The following CCDC66 variants were observed in gnomAD, a reference collection of about 807,000 sequenced individuals.
CCDC66 encodes coiled-coil domain-containing protein 66.
In CCDC66, 133 loss-of-function variants were observed where a neutral mutation model predicts 128.3. The ratio of observed to expected loss-of-function variants is 1.04; its 90% CI spans 0.90 to 1.20. The LOEUF (loss-of-function observed/expected upper bound fraction) is 1.20. CCDC66 is among the 50% of genes most tolerant of loss of function. The pLI, the probability that CCDC66 is intolerant of heterozygous loss-of-function variation, is 0.00. For synonymous variants in CCDC66, 387 were observed against 357.0 expected, an observed-to-expected ratio of 1.08 and a Z score of -0.95; for missense variants, 1,126 against 1,075.5, an observed-to-expected ratio of 1.05 and a Z score of -0.66.
intron 7 of CCDC66, among the ~76,000 whole-genome samples, chr3:56,583,321 T>G (rs2068759893): frequency 6.6e-6 from 1 of 151,990 alleles, no homozygotes. Context: ...TTTGTTTTAT[T>G]GATCATTCTT....
intron 14 of CCDC66, 35 bp downstream of exon 14, chr3:56,617,640 T>C (rs1008325577): frequency 7.1e-6 from 11 of 1,555,056 alleles, no homozygotes; most frequent in Non-Finnish European, 8.6e-6. Flanking sequence ...TGTGTTGACG[T>C]TTCTGGATTC....
chr3:56,583,974 C>T (rs1196660904), intron 7 of CCDC66, among the ~76,000 whole-genome samples: 2 of 128,760 alleles, frequency 1.6e-5, no homozygotes, highest in African/African-American at 3.0e-5. Context: ...GCGGGGGCTG[C>T]CCCCCACCTC....
intron 15 of CCDC66, 66 bp downstream of exon 15, chr3:56,618,278 C>CAAGATCTGG (rs2075784363): frequency 7.4e-7 from 1 of 1,352,918 alleles, no homozygotes; most frequent in African/African-American, 1.4e-5. Context: ...AAAAGGGATT[C>CAAGATCTGG]AAGATCTGGA....
At chr3:56,564,259 C>A in intron 4 of CCDC66, 134 bp downstream of exon 4, 1 of 644,738 alleles carries the variant, frequency 1.6e-6, no homozygotes, top group Non-Finnish European at 2.5e-6. Context: ...AATAATTGTT[C>A]TTTTAGAGGA....
At chr3:56,615,337 T>C in intron 12 of CCDC66, 65 bp downstream of exon 12, 1 of 1,482,278 alleles carries the variant, frequency 6.7e-7, no homozygotes, top group Non-Finnish European at 9.1e-7. Flanking sequence ...AATTCCTTTT[T>C]ATCTTTGTTT....
intron 7 of CCDC66, among the ~76,000 whole-genome samples, chr3:56,578,399 T>C (rs373664407): frequency 1.3e-5 from 2 of 151,846 alleles, no homozygotes; most frequent in African/African-American, 2.4e-5. Context: ...ATACCCTTTA[T>C]TTCTTCCTCA....
At chr3:56,611,990 G>A (rs2074895322) in intron 10 of CCDC66, among the ~76,000 whole-genome samples, 1 of 152,194 alleles carries the variant, frequency 6.6e-6, no homozygotes, top group East Asian at 1.9e-4. Context: ...TCTAAGGATT[G>A]CTGGTCTGTT....
At chr3:56,572,330 C>T (rs1253842910) in intron 7 of CCDC66, 1 of 1,285,106 alleles carries the variant, frequency 7.8e-7, no homozygotes, top group East Asian at 5.6e-5. Flanking sequence ...TTTTACACTT[C>T]TGCTAGCTCT....
rs1175800245 is a variant in CCDC66, at chr3:56,593,553, A to C, written c.1131A>C (p.Gln377His). 2 of 1,614,124 alleles carry C rather than the reference A, an allele frequency of 1.2e-6. No homozygotes were observed. Among genetic ancestry groups the C allele is most frequent in the Admixed American group, 3.3e-5 (2 of 60,020 alleles). Residue 377 changes from glutamine to histidine, a missense_variant, in exon 9 of 18, where the codon CAA becomes CAC. Transcript: ENST00000394672. ...CATTAAAGAGTTATCCTGGTTCTCA[A>C]TCTCAGCTGTTCTCTCAGTCAACAC... ...FDSLKSYPGS[Q>H]SQLFSQSTHK...
chr3:56,582,538 A>G (rs2068581750), intron 7 of CCDC66, among the ~76,000 whole-genome samples: 1 of 151,538 alleles, frequency 6.6e-6, no homozygotes, highest in Non-Finnish European at 1.5e-5. Flanking sequence ...CCTCCTCCGG[A>G]ATTTTTTTAA....
chr3:56,586,360 C>G (rs1457797528), intron 7 of CCDC66, among the ~76,000 whole-genome samples: 3 of 151,114 alleles, frequency 2.0e-5, no homozygotes, highest in East Asian at 4.0e-4. Context: ...AACCCCATCT[C>G]TACTTAAAAA....
intron 4 of CCDC66, among the ~76,000 whole-genome samples, chr3:56,565,726 G>T (rs2065745521): frequency 6.6e-6 from 1 of 151,754 alleles, no homozygotes; most frequent in Admixed American, 6.6e-5. Context: ...GAGTGCAGTG[G>T]TGCGATCTCG....
intron 10 of CCDC66, among the ~76,000 whole-genome samples, chr3:56,612,702 A>G (rs1394991619): frequency 6.6e-6 from 1 of 152,120 alleles, no homozygotes; most frequent in Non-Finnish European, 1.5e-5. Flanking sequence ...GTGGCATATG[A>G]GGGTGGGTGC....
chr3:56,615,841 T>C, intron 12 of CCDC66, 81 bp from the exon 13 acceptor site: 1 of 1,223,468 alleles, frequency 8.2e-7, no homozygotes. Flanking sequence ...AAGTGAAAAT[T>C]ATTGTATTTA....
At position 56,615,917 on chromosome 3, in the gene CCDC66, G is replaced by C. The variant is rs748669936; in HGVS notation, c.1712-5G>C. The C allele has an allele frequency of 3.2e-6, 5 of 1,585,922 alleles. No homozygotes were observed. The East Asian group carries it at 9.3e-5, about 30-fold the overall frequency. On this transcript the variant is annotated splice_polypyrimidine_tract_variant and splice_region_variant and intron_variant, in intron 12 of 17. Coordinates refer to ENST00000394672, the MANE Select transcript of CCDC66 (RefSeq NM_001141947.3). ...TTGTTTTATCAGGTGATTTCTCTTT[G>C]CCAGTTGATACAATACAAATGGAAT...
intron 7 of CCDC66, among the ~76,000 whole-genome samples, chr3:56,580,751 G>A (rs2068218964): frequency 6.6e-6 from 1 of 151,828 alleles, no homozygotes; most frequent in Non-Finnish European, 1.5e-5. Flanking sequence ...ACTGTCTTCT[G>A]GCTTGTAGAG....
At chr3:56,563,457 T>G in intron 3 of CCDC66, 1 of 465,322 alleles carries the variant, frequency 2.1e-6, no homozygotes, top group Non-Finnish European at 3.7e-6. Flanking sequence ...AAAGCTGGAG[T>G]ATAGTGGAGA....
At chr3:56,594,918 G>C (rs2071596904) in intron 10 of CCDC66, among the ~76,000 whole-genome samples, 1 of 151,922 alleles carries the variant, frequency 6.6e-6, no homozygotes, top group Admixed American at 6.6e-5. Flanking sequence ...TATTTCTTCA[G>C]TTTTTTTTAA....
Position 56,617,693 on chromosome 3 carries a change from G to C in CCDC66, c.2337+88G>C. 6.1e-6 allele frequency: 9 copies of C among 1,476,886 alleles called. No individual in the cohort carries two copies. In the South Asian group the frequency reaches 9.8e-5, roughly 16 times the overall value. 91.5% of individuals were successfully genotyped at this position (1,476,886 alleles called of 1,614,324 possible). A position where few individuals can be genotyped will look rare whatever the true frequency, so the allele number is the denominator to read the frequency against. ...ACGTATGCTTTGGTAAGGCTGTTCT[G>C]ATCTGTTTCAGTTTACATTAGGGAT... On this transcript the variant is annotated intron_variant, in intron 14 of 17. Coordinates refer to ENST00000394672, the MANE Select transcript of CCDC66 (RefSeq NM_001141947.3).
Sources: allele counts gnomAD v4.1 joint callset (sites outside exome capture counted in the v4.1 genomes callset), GRCh38; gene constraint gnomAD v4.1.1; transcripts MANE v1.5; gene names NCBI Gene and HGNC (gene_info 2026-07-23, HGNC 2026-07-21).